PCDHGB6: variants seen among roughly 807,000 people sequenced by gnomAD.
The protein encoded by PCDHGB6 is protocadherin gamma subfamily B, 6, also known as protocadherin gamma-B6.
In PCDHGB6, 51 loss-of-function variants were observed where a neutral mutation model predicts 59.1. The ratio of observed to expected loss-of-function variants is 0.86; its 90% CI spans 0.69 to 1.09. The LOEUF is 1.09. Among genes scored for constraint, PCDHGB6 ranks in the 50% least tolerant of loss-of-function variants. The pLI, the probability that PCDHGB6 is intolerant of heterozygous loss-of-function variation, is 0.00. For synonymous variants in PCDHGB6, 466 were observed against 495.1 expected (o/e 0.94, Z 0.78); for missense variants, 1,148 against 1,205.1 (o/e 0.95, Z 0.70).
chr5:141,437,355 A>C (rs2097877902), intron 1 of PCDHGB6, among the ~76,000 whole-genome samples: 1 of 152,238 alleles, frequency 6.6e-6, no homozygotes, highest in Non-Finnish European at 1.5e-5. Flanking sequence ...ATAGTACCTA[A>C]AATTGGAATG....
In PCDHGB6 at chr5:141,486,194, C is replaced by A. The variant is rs1248456800; in HGVS notation, c.2419-8613C>A. The A allele has an allele frequency of 6.2e-7, 1 of 1,614,196 alleles. No individual in the cohort carries two copies. Among genetic ancestry groups the A allele is most frequent in the Non-Finnish European group, 8.5e-7 (1 of 1,180,026 alleles). ...ACATTGCAGCCTTCGAGTGGATCTG[C>A]TGGACGTAAATGACAATGCCCCTTA... On this transcript the variant is annotated intron_variant, in intron 1 of 3. Transcript: ENST00000520790. The surrounding 1 kb of genome is among the most constrained non-coding windows in gnomAD (Gnocchi z 5.0).
intron 2 of PCDHGB6, among the ~76,000 whole-genome samples, chr5:141,499,983 C>T (rs765029745): frequency 5.3e-5 from 8 of 151,352 alleles, no homozygotes; most frequent in African/African-American, 9.7e-5. Context: ...CCACCTTGCC[C>T]GGCCAGATGA....
chr5:141,507,872 C>T (rs2099864458), intron 3 of PCDHGB6, among the ~76,000 whole-genome samples: 1 of 152,168 alleles, frequency 6.6e-6, no homozygotes, highest in African/African-American at 2.4e-5. Flanking sequence ...GCTTCCTAGC[C>T]CTGAAACCAG....
rs530193346 is a variant in PCDHGB6, at chr5:141,409,883, C to G, written c.1681C>G (p.Arg561Gly). The G allele has an allele frequency of 1.2e-6, 2 of 1,612,988 alleles. No homozygotes were observed. The highest frequency in any genetic ancestry group is 2.2e-5 in the South Asian group (2 of 91,056). ...GGGAGACCGCAATGACAACGCACCG[C>G]GGGTGCTGTACCCAGCTCTGGGTCC... ...LVGDRNDNAP[R>G]VLYPALGPDG... Residue 561 changes from arginine to glycine, a missense_variant, in exon 1 of 4, where the codon CGG becomes GGG. Arg to Gly is a moderately radical substitution (Grantham distance 125). Transcript: ENST00000520790.
chr5:141,491,802 G>A lies in PCDHGB6; in HGVS notation c.2419-3005G>A. 6.7e-7 allele frequency: 1 copy of A among 1,497,480 alleles called. No homozygotes were observed. Among genetic ancestry groups the A allele is most frequent in the East Asian group, 2.5e-5 (1 of 40,518 alleles). The allele number at this position is 1,497,480 out of a possible 1,614,324, so 92.8% of individuals were successfully genotyped here. ...ACTTGCATCCACTCCTCTCCGGCCG[G>A]CTTGGTCGCTGGCTGCGCTCCACCC... On this transcript the variant is annotated intron_variant, in intron 1 of 3. Coordinates refer to ENST00000520790, the MANE Select transcript of PCDHGB6 (RefSeq NM_018926.3). The surrounding 1 kb of genome is among the most constrained non-coding windows in gnomAD (Gnocchi z 6.9).
Position 141,408,153 on chromosome 5 carries a change from C to T in PCDHGB6, c.-50C>T. 4 of 1,509,360 alleles carry T rather than the reference C, an allele frequency of 2.7e-6. No individual in the cohort carries two copies. Among genetic ancestry groups the T allele is most frequent in the Non-Finnish European group, 3.6e-6 (4 of 1,126,364 alleles). 93.5% of individuals were successfully genotyped at this position (1,509,360 alleles called of 1,614,324 possible). On this transcript the variant is annotated 5_prime_UTR_variant, in exon 1 of 4. Coordinates refer to ENST00000520790, the MANE Select transcript of PCDHGB6 (RefSeq NM_018926.3). ...AATGCTCTTTTAGCGCGGTAGAGTG[C>T]ACTTTCTCCAACTGGAAAAGCGGGG... is the stretch of plus-strand genomic sequence containing the variant.
intron 1 of PCDHGB6, among the ~76,000 whole-genome samples, chr5:141,452,137 G>A (rs2154563838): frequency 6.6e-6 from 1 of 152,162 alleles, no homozygotes; most frequent in East Asian, 1.9e-4. Flanking sequence ...TGGCTCATGT[G>A]TTTTTTCCAA....
At position 141,476,749 on chromosome 5, in the gene PCDHGB6, G is replaced by C; in HGVS notation, c.2419-18058G>C. On this transcript the variant is annotated intron_variant, in intron 1 of 3. Transcript: ENST00000520790. The surrounding 1 kb of genome is among the most constrained non-coding windows in gnomAD (Gnocchi z 7.6). ...ACCGAGAACGGGAGCCTAGTCTCCA[G>C]TTAGTGCTGACGGCGTTGGACGGAG... is the stretch of plus-strand genomic sequence containing the variant. 1.9e-6 allele frequency: 3 copies of C among 1,614,042 alleles called. No homozygotes were observed. The highest frequency in any genetic ancestry group is 2.5e-6 in the Non-Finnish European group (3 of 1,180,038).
intron 1 of PCDHGB6, among the ~76,000 whole-genome samples, chr5:141,458,079 C>G (rs1016889225): frequency 6.6e-6 from 1 of 152,186 alleles, no homozygotes; most frequent in Non-Finnish European, 1.5e-5. Context: ...AACTATATTG[C>G]CGTAAGTTAA....
chr5:141,421,216 T>G, intron 1 of PCDHGB6: 1 of 1,567,154 alleles, frequency 6.4e-7, no homozygotes, highest in Non-Finnish European at 8.6e-7. Flanking sequence ...GAATATCGGC[T>G]TAGAGCCTGC....
At chr5:141,453,093 C>A (rs1408495535) in intron 1 of PCDHGB6, among the ~76,000 whole-genome samples, 1 of 151,928 alleles carries the variant, frequency 6.6e-6, no homozygotes, top group African/African-American at 2.4e-5. Context: ...AGTATATTTT[C>A]TGTTGCTTTT....
At chr5:141,484,135 A>G (rs181630887) in intron 1 of PCDHGB6, among the ~76,000 whole-genome samples, 6 of 152,270 alleles carry the variant, frequency 3.9e-5, no homozygotes, top group Admixed American at 1.3e-4. Flanking sequence ...GTGTCAGATA[A>G]AGGGAATTTG....
chr5:141,430,926 C>A (rs145535410), intron 1 of PCDHGB6: 4 of 1,607,308 alleles, frequency 2.5e-6, no homozygotes, highest in African/African-American at 1.3e-5. Context: ...GGGCTGGAGC[C>A]CCGGGAGCTC....
Position 141,408,932 on chromosome 5 carries a change from A to C in PCDHGB6, c.730A>C (p.Arg244=). The C allele has an allele frequency of 6.2e-7, 1 of 1,613,594 alleles. No individual in the cohort carries two copies. Among genetic ancestry groups the C allele is most frequent in the South Asian group, 1.1e-5 (1 of 91,042 alleles). The change falls in exon 1 of 4, where the codon AGA becomes CGA. Residue 244 remains arginine (R), a synonymous_variant. Coordinates refer to ENST00000520790, the MANE Select transcript of PCDHGB6 (RefSeq NM_018926.3). The stretch of plus-strand genomic sequence containing the variant: ...CAATGATAACCCCCCGGTTTTCAGC[A>C]GAGACGAATATAGAATTAGTCTTAG... ...DTNDNPPVFS[R]DEYRISLSEN...
chr5:141,478,392 A>T, intron 1 of PCDHGB6: 1 of 1,613,560 alleles, frequency 6.2e-7, no homozygotes, highest in East Asian at 2.2e-5. Flanking sequence ...CTTTACCATC[A>T]GGTGTATCTC....
At chr5:141,497,272 T>G (rs568198729) in intron 2 of PCDHGB6, among the ~76,000 whole-genome samples, 20 of 152,254 alleles carry the variant, frequency 1.3e-4, no homozygotes, top group African/African-American at 4.3e-4. Flanking sequence ...CTAGGCCATT[T>G]ATGTTCCCTC....
chr5:141,419,192 G>A (rs772847766), intron 1 of PCDHGB6: 65 of 1,613,816 alleles, frequency 4.0e-5, no homozygotes, highest in Middle Eastern at 1.6e-4. Context: ...CATTACTGAC[G>A]TCAATGACAA....
intron 1 of PCDHGB6, among the ~76,000 whole-genome samples, chr5:141,420,686 C>T (rs781004859): frequency 1.3e-4 from 20 of 152,258 alleles, no homozygotes; most frequent in Admixed American, 4.6e-4. Context: ...TTATCGGGAC[C>T]GTATTATTTC....
intron 1 of PCDHGB6, among the ~76,000 whole-genome samples, chr5:141,457,387 T>A (rs530736201): frequency 2.0e-5 from 3 of 152,340 alleles, no homozygotes; most frequent in Non-Finnish European, 2.9e-5. Context: ...AGAACTAGCA[T>A]ATTGATTCAC....
Sources: allele counts gnomAD v4.1 joint callset (sites outside exome capture counted in the v4.1 genomes callset), GRCh38; gene constraint gnomAD v4.1.1; non-coding constraint Gnocchi (gnomAD v3.1); transcripts MANE v1.5; gene names NCBI Gene and HGNC (gene_info 2026-07-23, HGNC 2026-07-21).